Variants in SLC22A24 observed in about 807,000 individuals in gnomAD.
SLC22A24 encodes steroid transmembrane transporter SLC22A24.
A neutral mutation model predicts 49.8 loss-of-function variants in SLC22A24; 53 were observed. That is an observed-to-expected ratio of 1.06 (90% CI 0.85 to 1.34). SLC22A24 has a LOEUF of 1.34. Ranked by LOEUF, SLC22A24 falls within the 40% of genes most tolerant of loss-of-function variation. The pLI is 0.00. For synonymous variants in SLC22A24, 302 were observed against 256.4 expected, an observed-to-expected ratio of 1.18 and a Z score of -1.70; for missense variants, 786 against 675.9, an observed-to-expected ratio of 1.16 and a Z score of -1.81.
rs1229144115 is a variant in SLC22A24 at position 63,083,265 on chromosome 11, C to G, written c.1263G>C (p.Leu421=). 1.3e-6 allele frequency: 2 copies of G among 1,557,260 alleles called. No homozygotes were observed. Among genetic ancestry groups the G allele is most frequent in the East Asian group, 2.4e-5 (1 of 41,788 alleles). Residue 421 remains leucine (L), a synonymous_variant, in exon 7 of 10, where the codon CTG becomes CTC. Coordinates refer to ENST00000612278, the MANE Select transcript of SLC22A24 (RefSeq NM_001136506.2). The part of the protein sequence containing the change: ...LFTFPVGLFI[L]VNTFLPQEMQ... ...CACCTTGGGGCAAAAAGGTGTTGAC[C>G]AGAATGAAAAGTCCCACCGGGAACG...
At chr11:63,141,064 A>G (rs1279211085) in intron 1 of SLC22A24, among the ~76,000 whole-genome samples, 2 of 152,234 alleles carry the variant, frequency 1.3e-5, no homozygotes, top group Non-Finnish European at 2.9e-5. Context: ...ATGTGTCCAA[A>G]TAACAGGGTT....
At chr11:63,089,329 T>C (rs112870560) in intron 6 of SLC22A24, among the ~76,000 whole-genome samples, 5,931 of 152,040 alleles carry the variant, frequency 0.039, 169 homozygotes, top group Non-Finnish European at 0.063. Flanking sequence ...TTAAGTTTCA[T>C]GTGAAGGAAA....
Position 63,083,313 on chromosome 11 carries a change from A to G in SLC22A24, c.1215T>C (p.Arg405=), listed in dbSNP as rs752567082. The G allele has an allele frequency of 6.4e-7, 1 of 1,560,682 alleles. No homozygotes were observed. The highest frequency in any genetic ancestry group is 1.2e-5 in the South Asian group (1 of 84,626). Residue 405 remains arginine, a synonymous_variant, in exon 7 of 10, where the codon CGT becomes CGC. Transcript: ENST00000612278. ...ACGTGAACAATATCTGGCTTATTCG[A>G]CGACCCATATGATTCAGTGTCAAAA... ...VSLLTLNHMG[R]RISQILFTFP...
intron 2 of SLC22A24, among the ~76,000 whole-genome samples, chr11:63,128,328 C>A (rs1171097997): frequency 6.6e-6 from 1 of 152,058 alleles, no homozygotes; most frequent in Non-Finnish European, 1.5e-5. Flanking sequence ...GGGAAGACAC[C>A]TGTTACCTAG....
chr11:63,114,301 T>G (rs765561422), intron 4 of SLC22A24, among the ~76,000 whole-genome samples: 58 of 152,184 alleles, frequency 3.8e-4, no homozygotes, highest in Admixed American at 9.2e-4. Context: ...CCTCTCACTT[T>G]ATTTCATTAA....
At chr11:63,082,347 T>A (rs2086965099) in intron 7 of SLC22A24, among the ~76,000 whole-genome samples, 1 of 152,164 alleles carries the variant, frequency 6.6e-6, no homozygotes, top group South Asian at 2.1e-4. Flanking sequence ...TTCAAAAAGG[T>A]ACTTTTTCAT....
At chr11:63,134,477 A>C (rs1158215566) in intron 2 of SLC22A24, among the ~76,000 whole-genome samples, 188 bp downstream of exon 2, 1 of 152,182 alleles carries the variant, frequency 6.6e-6, no homozygotes, top group East Asian at 1.9e-4. Flanking sequence ...ACAGACTTTT[A>C]ATACCCAACT....
chr11:63,087,346 C>G (rs1042225437), intron 6 of SLC22A24, among the ~76,000 whole-genome samples: 1 of 152,186 alleles, frequency 6.6e-6, no homozygotes, highest in Admixed American at 6.5e-5. Context: ...AGGGACTTCC[C>G]TCCCTGAACC....
chr11:63,083,066 C>A (rs1056368867), intron 7 of SLC22A24, among the ~76,000 whole-genome samples, 177 bp downstream of exon 7: 2 of 152,144 alleles, frequency 1.3e-5, no homozygotes, highest in African/African-American at 2.4e-5. Context: ...GAGTAAGAGC[C>A]CAAGTGCTGA....
chr11:63,087,471 G>A (rs1166401753), intron 6 of SLC22A24, among the ~76,000 whole-genome samples: 1 of 152,186 alleles, frequency 6.6e-6, no homozygotes, highest in Non-Finnish European at 1.5e-5. Flanking sequence ...AGGGCCCTGG[G>A]CTTCAAGCAC....
At position 63,143,706 on chromosome 11, in the gene SLC22A24, C is replaced by T; in HGVS notation, c.74G>A (p.Cys25Tyr). The change falls in exon 1 of 10, where the codon TGC becomes TAC. Residue 25 changes from cysteine (C) to tyrosine (Y), a missense_variant. Physicochemically the swap from Cys to Tyr is radical, Grantham distance 194 (BLOSUM62 -2). Transcript: ENST00000612278. ...AGGGAACAGTAGGATGTTGGTGATG[C>T]AAAAGAAAGCTATCAGACAAATCTG... ...RFQICLIAFF[C>Y]ITNILLFPNI... 1 of 1,548,150 alleles carries T rather than the reference C, an allele frequency of 6.5e-7. No individual in the cohort carries two copies. The highest frequency in any genetic ancestry group is 8.7e-7 in the Non-Finnish European group (1 of 1,149,218).
At chr11:63,142,859 T>A (rs997772630) in intron 1 of SLC22A24, among the ~76,000 whole-genome samples, 1 of 151,946 alleles carries the variant, frequency 6.6e-6, no homozygotes, top group African/African-American at 2.4e-5. Flanking sequence ...AAAACTCTGC[T>A]CCCCGAATGC....
chr11:63,134,629 G>T, intron 2 of SLC22A24, 36 bp downstream of exon 2: 1 of 1,212,232 alleles, frequency 8.2e-7, no homozygotes, highest in Non-Finnish European at 1.2e-6. Context: ...TATATCATCT[G>T]ATAAACAGCC....
chr11:63,113,774 A>C lies in SLC22A24; in HGVS notation c.830+5138T>G, dbSNP rs538249930. Reference sequence around the variant, plus strand: ...GAGGCTGAGGCAGGAAAATCACTTGAACCCAGGAGGCAGAGATTGCAGTGA... The same window carrying C: ...GAGGCTGAGGCAGGAAAATCACTTGCACCCAGGAGGCAGAGATTGCAGTGA... On this transcript the variant is annotated intron_variant, in intron 4 of 9. Transcript: ENST00000612278. Among the ~76,000 whole-genome samples the C allele has an allele frequency of 1.5e-3, 220 of 151,676 alleles. 2 individuals are homozygous for C. The highest frequency in any genetic ancestry group is 2.7e-3 in the Non-Finnish European group (183 of 67,928).
At chr11:63,087,742 G>A (rs1263058892) in intron 6 of SLC22A24, among the ~76,000 whole-genome samples, 3 of 152,192 alleles carry the variant, frequency 2.0e-5, no homozygotes, top group African/African-American at 2.4e-5. Flanking sequence ...TTGGTGGGGG[G>A]AGGGGTGTGC....
intron 5 of SLC22A24, among the ~76,000 whole-genome samples, chr11:63,098,513 CA>C (rs1309820616): frequency 6.6e-6 from 1 of 151,766 alleles, no homozygotes; most frequent in Non-Finnish European, 1.5e-5. Flanking sequence ...ACTAAAAATG[CA>C]AAAATTAGCC....
chr11:63,138,352 C>T (rs2087390046), intron 1 of SLC22A24, among the ~76,000 whole-genome samples: 1 of 152,024 alleles, frequency 6.6e-6, no homozygotes. Flanking sequence ...TTGAAATTGG[C>T]TTCTGAGGCC....
At chr11:63,085,763 G>A (rs1007693279) in intron 6 of SLC22A24, among the ~76,000 whole-genome samples, 2 of 152,174 alleles carry the variant, frequency 1.3e-5, no homozygotes, top group African/African-American at 2.4e-5. Flanking sequence ...ACGATGAATG[G>A]TGACAATGAT....
intron 6 of SLC22A24, among the ~76,000 whole-genome samples, chr11:63,088,871 T>G (rs2087002519): frequency 1.3e-5 from 2 of 151,614 alleles, no homozygotes; most frequent in Admixed American, 1.3e-4. Flanking sequence ...AAGAAAAGAT[T>G]AGAGAAAAAA....
Sources: gnomAD v4.1 joint callset for allele counts (sites outside exome capture counted in the v4.1 genomes callset) on GRCh38, gnomAD v4.1.1 for gene constraint, MANE v1.5 for transcripts, NCBI Gene and HGNC (gene_info 2026-07-23, HGNC 2026-07-21) for gene names.